FOXP1: variants seen among roughly 807,000 people sequenced by gnomAD.
The protein encoded by FOXP1 is forkhead box P1, also known as forkhead box protein P1.
Under a neutral mutation model 98.2 loss-of-function variants are expected in FOXP1, and 15 were observed. The ratio of observed to expected loss-of-function variants is 0.15; its 90% CI spans 0.10 to 0.24. FOXP1 has a LOEUF of 0.24. Ranked by LOEUF, FOXP1 falls within the 10% of genes least tolerant of loss-of-function variation. The pLI is 1.00. For synonymous variants in FOXP1, 371 were observed against 314.5 expected (o/e 1.18, Z -1.90); for missense variants, 633 against 848.5 (o/e 0.75, Z 3.15).
intron 11 of FOXP1, among the ~76,000 whole-genome samples, chr3:71,016,656 AACACACAC>A (rs4056100): frequency 1.3e-4 from 19 of 146,254 alleles, no homozygotes; most frequent in Middle Eastern, 3.6e-3. Context: ...TGATTACAAG[AACACACAC>A]ACACACACAC....
chr3:71,270,302 C>T (rs1202335382), intron 5 of FOXP1, among the ~76,000 whole-genome samples: 2 of 152,124 alleles, frequency 1.3e-5, no homozygotes, highest in Non-Finnish European at 2.9e-5. Flanking sequence ...GTGCTATTAG[C>T]ATTTCAGGGT....
chr3:70,974,995 A>C (rs1031066681), intron 17 of FOXP1, among the ~76,000 whole-genome samples: 25 of 152,348 alleles, frequency 1.6e-4, no homozygotes, highest in African/African-American at 6.0e-4. Context: ...AGCTCTTTTC[A>C]GTCATAACCT....
intron 2 of FOXP1, among the ~76,000 whole-genome samples, chr3:71,562,727 T>C (rs993230213): frequency 6.6e-5 from 10 of 152,132 alleles, no homozygotes; most frequent in African/African-American, 2.2e-4. Flanking sequence ...TGAGGCTCAG[T>C]TCTATTTTGT....
intron 5 of FOXP1, among the ~76,000 whole-genome samples, chr3:71,236,680 G>A (rs2106841409): frequency 6.6e-6 from 1 of 152,060 alleles, no homozygotes; most frequent in East Asian, 1.9e-4. Flanking sequence ...GACCAGCCTG[G>A]GCAACATCGG....
intron 5 of FOXP1, among the ~76,000 whole-genome samples, chr3:71,255,418 A>T (rs1436276677): frequency 1.3e-5 from 2 of 152,164 alleles, no homozygotes; most frequent in African/African-American, 4.8e-5. Flanking sequence ...TTAAAAAAAT[A>T]CCTAACATAT....
intron 5 of FOXP1, among the ~76,000 whole-genome samples, chr3:71,250,708 A>G (rs2068115816): frequency 6.6e-6 from 1 of 152,204 alleles, no homozygotes; most frequent in Admixed American, 6.5e-5. Context: ...AGGTGGGCAG[A>G]TCACCTGAGG....
At chr3:71,198,984 G>A (rs550279344) in intron 5 of FOXP1, among the ~76,000 whole-genome samples, 74 of 151,742 alleles carry the variant, frequency 4.9e-4, no homozygotes, top group African/African-American at 1.5e-3. Flanking sequence ...CCACTGCGCC[G>A]GGCCCAAGAT....
intron 6 of FOXP1, among the ~76,000 whole-genome samples, chr3:71,186,344 A>C (rs1318305707): frequency 6.6e-6 from 1 of 152,204 alleles, no homozygotes; most frequent in African/African-American, 2.4e-5. Flanking sequence ...ATGATTAGAA[A>C]GGAACTCTAG....
chr3:71,113,908 G>A (rs1333688707), intron 6 of FOXP1, among the ~76,000 whole-genome samples: 1 of 152,086 alleles, frequency 6.6e-6, no homozygotes, highest in Non-Finnish European at 1.5e-5. Context: ...TGAAGTTTGA[G>A]GATATCATGC....
chr3:71,149,416 A>T (rs2060468599), intron 6 of FOXP1, among the ~76,000 whole-genome samples: 1 of 152,218 alleles, frequency 6.6e-6, no homozygotes. Flanking sequence ...CTCTTAAAAG[A>T]CATGGGATAA....
At chr3:71,190,008 T>G (rs1277807661) in intron 6 of FOXP1, among the ~76,000 whole-genome samples, 3 of 152,250 alleles carry the variant, frequency 2.0e-5, no homozygotes, top group Non-Finnish European at 2.9e-5. Context: ...TCAGACCAAC[T>G]GCAGTAGCGC....
At chr3:70,972,442 G>A in intron 18 of FOXP1, 113 bp downstream of exon 18, 2 of 1,475,308 alleles carry the variant, frequency 1.4e-6, no homozygotes, top group Non-Finnish European at 9.5e-7. Flanking sequence ...CCTTAACTGA[G>A]ACAACGTGAA....
At chr3:71,561,351 T>A (rs1374279196) in intron 2 of FOXP1, among the ~76,000 whole-genome samples, 1 of 148,858 alleles carries the variant, frequency 6.7e-6, no homozygotes, top group African/African-American at 2.5e-5. Context: ...CAGCCTGAAC[T>A]GTATACTTAA....
At chr3:70,981,621 A>T (rs2038883047) in intron 14 of FOXP1, among the ~76,000 whole-genome samples, 1 of 152,220 alleles carries the variant, frequency 6.6e-6, no homozygotes, top group Non-Finnish European at 1.5e-5. Flanking sequence ...AATATTTGTA[A>T]TGATGGCTAT....
intron 2 of FOXP1, among the ~76,000 whole-genome samples, chr3:71,496,882 G>C (rs998397886): frequency 2.0e-5 from 3 of 151,936 alleles, no homozygotes; most frequent in African/African-American, 4.8e-5. Context: ...CATTAGTGCT[G>C]TCTTATTTGA....
At chr3:70,964,951 T>C (rs2034425886) in intron 20 of FOXP1, among the ~76,000 whole-genome samples, 2 of 152,366 alleles carry the variant, frequency 1.3e-5, no homozygotes, top group East Asian at 3.9e-4. Context: ...TCACTTAAAT[T>C]ATCTTAAAAT....
At chr3:71,580,614 T>C (rs1363590506) in intron 2 of FOXP1, among the ~76,000 whole-genome samples, 2 of 152,122 alleles carry the variant, frequency 1.3e-5, no homozygotes, top group Non-Finnish European at 2.9e-5. Context: ...GTCTTACTAT[T>C]TCTTTAAAAA....
chr3:70,979,117 TAC>T (rs374315868), intron 14 of FOXP1, among the ~76,000 whole-genome samples: 1 of 149,710 alleles, frequency 6.7e-6, no homozygotes. Flanking sequence ...CGCACACACA[TAC>T]ACACACACAC....
In FOXP1 at chr3:70,958,100, T is replaced by G. The variant is rs2032253409; in HGVS notation, c.*1147A>C. 2 of 344,944 alleles carry G rather than the reference T, an allele frequency of 5.8e-6. No homozygotes were observed. Among genetic ancestry groups the G allele is most frequent in the Non-Finnish European group, 1.1e-5 (2 of 180,282 alleles). The allele number at this position is 344,944 out of a possible 1,614,324, so 21.4% of individuals were successfully genotyped here. On this transcript the variant is annotated 3_prime_UTR_variant, in exon 21 of 21. Transcript: ENST00000649528. ...AAGGGAGAGCCTTCCAAGGCCATAT[T>G]GTCAGTCTAATTAATATGAGCTTTT... is the stretch of plus-strand genomic sequence containing the variant.
Sources: gnomAD v4.1 joint callset for allele counts (sites outside exome capture counted in the v4.1 genomes callset) on GRCh38, gnomAD v4.1.1 for gene constraint, MANE v1.5 for transcripts, NCBI Gene and HGNC (gene_info 2026-07-23, HGNC 2026-07-21) for gene names.